The following SLC41A2 variants were observed in gnomAD, a reference collection of about 807,000 sequenced individuals.
The protein encoded by SLC41A2 is solute carrier family 41 member 2, also known as SLC41A1-like 1.
In SLC41A2, 32 loss-of-function variants were observed where a neutral mutation model predicts 58.3. That is an observed-to-expected ratio of 0.55 (90% CI 0.41 to 0.74). The LOEUF (loss-of-function observed/expected upper bound fraction) is 0.74. Ranked by LOEUF, SLC41A2 falls within the 30% of genes least tolerant of loss-of-function variation. The pLI is 0.00. For synonymous variants in SLC41A2, 190 were observed against 235.0 expected, an observed-to-expected ratio of 0.81 and a Z score of 1.75; for missense variants, 514 against 680.6, an observed-to-expected ratio of 0.76 and a Z score of 2.72.
chr12:104,865,897 T>C (rs1388986972), intron 7 of SLC41A2, among the ~76,000 whole-genome samples: 3 of 152,200 alleles, frequency 2.0e-5, no homozygotes, highest in African/African-American at 7.2e-5. Context: ...GCAAGACCTT[T>C]ATGTTGTTCT....
chr12:104,925,501 T>C (rs755087106), intron 2 of SLC41A2, among the ~76,000 whole-genome samples: 2 of 151,688 alleles, frequency 1.3e-5, no homozygotes, highest in East Asian at 3.9e-4. Context: ...GAGTTTGCAG[T>C]GAGCCGAGAT....
chr12:104,943,155 A>T (rs1016171351), intron 1 of SLC41A2, among the ~76,000 whole-genome samples: 2 of 152,186 alleles, frequency 1.3e-5, no homozygotes, highest in Non-Finnish European at 2.9e-5. Flanking sequence ...GTTTAAAAGG[A>T]AAAAAAGCAA....
At chr12:104,892,623 T>C (rs907912653) in intron 4 of SLC41A2, among the ~76,000 whole-genome samples, 3 of 152,114 alleles carry the variant, frequency 2.0e-5, no homozygotes, top group Non-Finnish European at 2.9e-5. Context: ...TACAGAGCTA[T>C]AGTAACCAAA....
In SLC41A2 at chr12:104,841,703, A is replaced by C. The variant is rs193158685; in HGVS notation, c.1536+2769T>G. On this transcript the variant is annotated intron_variant, in intron 10 of 10. Transcript: ENST00000258538. ...TGCAAAAGTGCTGCAAATGATTGTT[A>C]CTATGTCATTATAATAAGTGCAATA... 1.0e-3 allele frequency among the ~76,000 whole-genome samples: 153 copies of C among 152,248 alleles called. 4 individuals carry two copies. In the East Asian group the frequency reaches 0.021, roughly 21 times the overall value.
At chr12:104,853,911 A>ATTATTTTTTTTTTTTTTTTTTT in intron 8 of SLC41A2, among the ~76,000 whole-genome samples, 1 of 59,494 alleles carries the variant, frequency 1.7e-5, no homozygotes, top group African/African-American at 6.9e-5. Flanking sequence ...TGCCTGGCTG[A>ATTATTTTTTTTTTTTTTTTTTT]TTTTTTTTTT....
chr12:104,860,792 C>T (rs1205128649), intron 8 of SLC41A2, among the ~76,000 whole-genome samples: 1 of 151,808 alleles, frequency 6.6e-6, no homozygotes, highest in Non-Finnish European at 1.5e-5. Context: ...TTGCCCTGGC[C>T]TCAAACCCCT....
chr12:104,820,846 T>C (rs1592934924), intron 10 of SLC41A2, among the ~76,000 whole-genome samples: 1 of 152,168 alleles, frequency 6.6e-6, no homozygotes, highest in Non-Finnish European at 1.5e-5. Context: ...GGTTTCATCA[T>C]GTTGGCCAGG....
intron 3 of SLC41A2, among the ~76,000 whole-genome samples, chr12:104,907,887 A>C (rs1422229218): frequency 6.6e-6 from 1 of 152,224 alleles, no homozygotes; most frequent in Non-Finnish European, 1.5e-5. Flanking sequence ...TGTCCTCTGC[A>C]GATATAGCTA....
At chr12:104,951,235 T>C (rs1318991765) in intron 1 of SLC41A2, among the ~76,000 whole-genome samples, 1 of 152,226 alleles carries the variant, frequency 6.6e-6, no homozygotes, top group Non-Finnish European at 1.5e-5. Context: ...TTTAGAGTTA[T>C]TTCCTTAGGA....
chr12:104,857,441 G>A (rs1002999512), intron 8 of SLC41A2, among the ~76,000 whole-genome samples: 3 of 152,206 alleles, frequency 2.0e-5, no homozygotes, highest in Admixed American at 6.5e-5. Flanking sequence ...GGAAGACAGT[G>A]TGGCAATTCC....
At chr12:104,936,223 AAAT>A (rs1290151214) in intron 1 of SLC41A2, among the ~76,000 whole-genome samples, 1 of 152,156 alleles carries the variant, frequency 6.6e-6, no homozygotes, top group Non-Finnish European at 1.5e-5. Flanking sequence ...CAATGATAAT[AAAT>A]AATGATTTTG....
intron 6 of SLC41A2, among the ~76,000 whole-genome samples, chr12:104,883,776 A>G (rs1018631843): frequency 1.3e-5 from 2 of 152,232 alleles, no homozygotes; most frequent in African/African-American, 4.8e-5. Flanking sequence ...GATGTCTCCC[A>G]GTTAGGCTAC....
At position 104,803,278 on chromosome 12, in the gene SLC41A2, C is replaced by T. The variant is rs1386132787; in HGVS notation, c.*1874G>A. 6.6e-6 allele frequency: 1 copy of T among 151,980 alleles called. No individual in the cohort carries two copies. 9.4% of individuals were successfully genotyped at this position (151,980 alleles called of 1,614,324 possible). A position where few individuals can be genotyped will look rare whatever the true frequency, so the allele number is the denominator to read the frequency against. ...GATTTTTTTAAGTAAAAAATCTTTG[C>T]AGCTAAATATTCATCAACTTAAACT... On this transcript the variant is annotated 3_prime_UTR_variant, in exon 11 of 11. Transcript: ENST00000258538.
chr12:104,849,875 C>T (rs1473219979), intron 8 of SLC41A2, among the ~76,000 whole-genome samples: 1 of 152,140 alleles, frequency 6.6e-6, no homozygotes, highest in South Asian at 2.1e-4. Context: ...GATATGCATA[C>T]TCTACAATCT....
intron 10 of SLC41A2, among the ~76,000 whole-genome samples, chr12:104,814,765 C>T (rs942337652): frequency 4.6e-5 from 7 of 152,318 alleles, no homozygotes; most frequent in African/African-American, 1.7e-4. Flanking sequence ...GTGCCATCAT[C>T]ACTAATACAT....
chr12:104,940,306 C>T (rs2047454237), intron 1 of SLC41A2, among the ~76,000 whole-genome samples: 1 of 150,170 alleles, frequency 6.7e-6, no homozygotes. Flanking sequence ...GCCACCGAGC[C>T]CAGCCTTATT....
intron 1 of SLC41A2, among the ~76,000 whole-genome samples, chr12:104,951,722 C>A (rs2047965354): frequency 6.6e-6 from 1 of 151,584 alleles, no homozygotes; most frequent in Non-Finnish European, 1.5e-5. Context: ...TCTGTTGATT[C>A]TTCATTAAGC....
chr12:104,902,030 T>C (rs1207517486), intron 3 of SLC41A2, among the ~76,000 whole-genome samples: 1 of 152,202 alleles, frequency 6.6e-6, no homozygotes, highest in South Asian at 2.1e-4. Flanking sequence ...AAAGTAACCA[T>C]TGATTGGCCT....
chr12:104,878,226 C>A (rs1476063315), intron 6 of SLC41A2, among the ~76,000 whole-genome samples: 3 of 150,462 alleles, frequency 2.0e-5, no homozygotes, highest in African/African-American at 7.3e-5. Context: ...TATTTGCAAG[C>A]AGCTGAAAAA....
Sources: allele counts gnomAD v4.1 joint callset (sites outside exome capture counted in the v4.1 genomes callset), GRCh38; gene constraint gnomAD v4.1.1; transcripts MANE v1.5; gene names NCBI Gene and HGNC (gene_info 2026-07-23, HGNC 2026-07-21).